CABCOCO1: variants seen among roughly 807,000 people sequenced by gnomAD.
CABCOCO1 encodes the protein ciliary-associated calcium-binding coiled-coil protein 1.
Under a neutral mutation model 35.7 loss-of-function variants are expected in CABCOCO1, and 28 were observed. The observed-to-expected ratio is 0.78, with a 90% CI of 0.58 to 1.07. CABCOCO1 has a LOEUF of 1.07. Ranked by LOEUF, CABCOCO1 falls within the 50% of genes least tolerant of loss-of-function variation. CABCOCO1 has a pLI of 0.00. For synonymous variants in CABCOCO1, 95 were observed against 100.1 expected, an observed-to-expected ratio of 0.95 and a Z score of 0.30; for missense variants, 326 against 309.2, an observed-to-expected ratio of 1.05 and a Z score of -0.41.
intron 5 of CABCOCO1, among the ~76,000 whole-genome samples, chr10:61,729,800 T>C (rs1232656155): frequency 6.6e-6 from 1 of 152,156 alleles, no homozygotes; most frequent in Admixed American, 6.6e-5. Flanking sequence ...AAGGCAATTG[T>C]GCAATATGGA....
At chr10:61,719,948 A>G (rs971356565) in intron 5 of CABCOCO1, among the ~76,000 whole-genome samples, 2 of 151,558 alleles carry the variant, frequency 1.3e-5, no homozygotes, top group Non-Finnish European at 2.9e-5. Flanking sequence ...AAGGCAAAAA[A>G]GAAAATAAAA....
intron 5 of CABCOCO1, among the ~76,000 whole-genome samples, chr10:61,721,217 C>T (rs1183201808): frequency 2.0e-5 from 3 of 151,396 alleles, no homozygotes; most frequent in African/African-American, 7.3e-5. Context: ...AGGCACTGTG[C>T]CCGGCCCCAC....
At chr10:61,749,027 T>C (rs1841724494) in intron 5 of CABCOCO1, among the ~76,000 whole-genome samples, 1 of 152,232 alleles carries the variant, frequency 6.6e-6, no homozygotes, top group African/African-American at 2.4e-5. Flanking sequence ...CTGCCTTCTG[T>C]GGTGAACAAT....
chr10:61,719,920 CAAAA>C (rs34712304), intron 5 of CABCOCO1, among the ~76,000 whole-genome samples: 11 of 87,976 alleles, frequency 1.3e-4, no homozygotes, highest in African/African-American at 2.2e-4. Context: ...GACTCCATCT[CAAAA>C]AAAAAAAAAA....
Position 61,760,141 on chromosome 10 carries a change from CAT to C in CABCOCO1, c.636_637del (p.Phe213HisfsTer21). 6.2e-7 allele frequency: 1 copy of C among 1,612,058 alleles called. No homozygotes were observed. Among genetic ancestry groups the C allele is most frequent in the Non-Finnish European group, 8.5e-7 (1 of 1,178,492 alleles). On this transcript the variant is annotated frameshift_variant, in exon 6 of 8. Transcript: ENST00000648843. LOFTEE classifies it high-confidence loss of function. ...GGAATCTCATTTGATATTTATTCAA[CAT>C]TCATAGAGCCCCCCACAATATTGGA...
At chr10:61,671,938 T>G (rs1317415451) in intron 1 of CABCOCO1, among the ~76,000 whole-genome samples, 1 of 152,228 alleles carries the variant, frequency 6.6e-6, no homozygotes, top group East Asian at 1.9e-4. Flanking sequence ...TCAGTACATA[T>G]TTGTTGAATC....
At position 61,720,917 on chromosome 10, in the gene CABCOCO1, C is replaced by CTTTTTTTTTTTTTTTTTTTTTTTTTT. The variant is rs71018996; in HGVS notation, c.552+30321_552+30322insTTTTTTTTTTTTTTTTTTTTTTTTTT. 7.3e-4 allele frequency among the ~76,000 whole-genome samples: 48 copies of CTTTTTTTTTTTTTTTTTTTTTTTTTT among 66,012 alleles called. 11 individuals are homozygous for CTTTTTTTTTTTTTTTTTTTTTTTTTT. The highest frequency in any genetic ancestry group is 1.0e-3 in the Non-Finnish European group (33 of 33,070). The allele number at this position is 66,012 out of a possible 152,430, so 43.3% of individuals were successfully genotyped here. A position where few individuals can be genotyped will look rare whatever the true frequency, so the allele number is the denominator to read the frequency against. On this transcript the variant is annotated intron_variant, in intron 5 of 7. Coordinates refer to ENST00000648843, the MANE Select transcript of CABCOCO1 (RefSeq NM_001366906.2). ...TGCTTTTTCTTCTTTTCTTTTCATT[C>CTTTTTTTTTTTTTTTTTTTTTTTTTT]TTTTTTTTTTTTTTTTTTTTTTTTT...
At chr10:61,728,066 AT>A (rs1328084097) in intron 5 of CABCOCO1, among the ~76,000 whole-genome samples, 1 of 152,184 alleles carries the variant, frequency 6.6e-6, no homozygotes, top group Non-Finnish European at 1.5e-5. Flanking sequence ...TTTAGATATA[AT>A]TTCAAAGGAC....
chr10:61,674,156 C>A (rs1427733120), intron 2 of CABCOCO1, among the ~76,000 whole-genome samples: 1 of 152,054 alleles, frequency 6.6e-6, no homozygotes, highest in Non-Finnish European at 1.5e-5. Context: ...TTTCTTCCCA[C>A]GTTGTAAATT....
chr10:61,663,067 C>T (rs1388104906), intron 1 of CABCOCO1, 35 bp downstream of exon 1: 5 of 238,352 alleles, frequency 2.1e-5, no homozygotes, highest in Admixed American at 1.8e-4. Flanking sequence ...GTACCGGTGC[C>T]GGTACCAGAG....
At chr10:61,688,400 C>A (rs1226186855) in intron 4 of CABCOCO1, among the ~76,000 whole-genome samples, 1 of 152,058 alleles carries the variant, frequency 6.6e-6, no homozygotes, top group Non-Finnish European at 1.5e-5. Context: ...TCATTTGATG[C>A]CCTTAACACA....
chr10:61,667,943 G>A (rs1839241598), intron 1 of CABCOCO1, among the ~76,000 whole-genome samples: 2 of 151,842 alleles, frequency 1.3e-5, no homozygotes, highest in South Asian at 4.1e-4. Context: ...GTAGTTCCTT[G>A]TTTTCATAAG....
rs1554821568 is a variant in CABCOCO1 at position 61,680,669 on chromosome 10, A to AATATATATTATGTTAT, written c.165-473_165-472insTATATATTATGTTATA. On this transcript the variant is annotated intron_variant, in intron 2 of 7. Transcript: ENST00000648843. ...AATATATATTATGTTATACATGTAT[A>AATATATATTATGTTAT]ACATATATGTTATACATGTATAACA... Among the ~76,000 whole-genome samples, 31 of 73,564 alleles carry AATATATATTATGTTAT rather than the reference A, an allele frequency of 4.2e-4. 1 individual carries two copies. The highest frequency in any genetic ancestry group is 8.8e-4 in the Non-Finnish European group (30 of 34,266). The allele number at this position is 73,564 out of a possible 152,430, so 48.3% of individuals were successfully genotyped here. A position where few individuals can be genotyped will look rare whatever the true frequency, so the allele number is the denominator to read the frequency against.
intron 4 of CABCOCO1, among the ~76,000 whole-genome samples, chr10:61,689,146 G>A (rs544899403): frequency 2.8e-4 from 42 of 152,168 alleles, no homozygotes; most frequent in African/African-American, 7.5e-4. Flanking sequence ...ATTTTATGCC[G>A]GTTCACTGAG....
intron 1 of CABCOCO1, among the ~76,000 whole-genome samples, chr10:61,665,263 T>C (rs1339259435): frequency 6.6e-6 from 1 of 152,210 alleles, no homozygotes; most frequent in African/African-American, 2.4e-5. Context: ...CTCTATGAGT[T>C]ACTGTGAACA....
chr10:61,695,908 A>T (rs1840282904), intron 5 of CABCOCO1, among the ~76,000 whole-genome samples: 1 of 152,096 alleles, frequency 6.6e-6, no homozygotes, highest in Non-Finnish European at 1.5e-5. Context: ...TTTATTACAA[A>T]CAGAAACACA....
rs185585386 is a variant in CABCOCO1, at chr10:61,706,208, A to G, written c.552+15587A>G. ...ATGATGTTCTTTTTATGTAATAAAT[A>G]CTGCTAACCAAATATATATGTTTCA... On this transcript the variant is annotated intron_variant, in intron 5 of 7. Coordinates refer to ENST00000648843, the MANE Select transcript of CABCOCO1 (RefSeq NM_001366906.2). Among the ~76,000 whole-genome samples the G allele has an allele frequency of 2.9e-3, 442 of 152,314 alleles. 2 individuals are homozygous for G. Among genetic ancestry groups the G allele is most frequent in the Non-Finnish European group, 4.0e-3 (271 of 68,030 alleles).
In CABCOCO1 at chr10:61,746,425, A is replaced by G. The variant is rs145088663; in HGVS notation, c.553-13634A>G. 1.2e-4 allele frequency among the ~76,000 whole-genome samples: 18 copies of G among 152,290 alleles called. No individual in the cohort carries two copies. In the East Asian group the frequency reaches 3.5e-3, roughly 29 times the overall value. ...TGGGGTCATCTGAACTATGGTTCCC[A>G]GAATGTTTATGAAAAAAACATGCTT... On this transcript the variant is annotated intron_variant, in intron 5 of 7. Transcript: ENST00000648843.
At chr10:61,694,135 C>A (rs566471782) in intron 5 of CABCOCO1, among the ~76,000 whole-genome samples, 1 of 151,036 alleles carries the variant, frequency 6.6e-6, no homozygotes, top group South Asian at 2.1e-4. Context: ...TGAGATGGAG[C>A]GATTATTCTA....
Sources: allele counts gnomAD v4.1 joint callset (sites outside exome capture counted in the v4.1 genomes callset), GRCh38; gene constraint gnomAD v4.1.1; transcripts MANE v1.5; gene names NCBI Gene and HGNC (gene_info 2026-07-23, HGNC 2026-07-21).